The following ZMIZ1 variants were observed in gnomAD, a reference collection of about 807,000 sequenced individuals.
ZMIZ1 encodes zinc finger MIZ domain-containing protein 1.
In ZMIZ1, 17 loss-of-function variants were observed where a neutral mutation model predicts 113.9. The ratio of observed to expected loss-of-function variants is 0.15; its 90% confidence interval spans 0.10 to 0.22. The LOEUF (loss-of-function observed/expected upper bound fraction) is 0.22, where lower values mean the gene tolerates loss of function less well. ZMIZ1 is among the 10% of genes least tolerant of loss of function. The pLI, the probability that ZMIZ1 is intolerant of heterozygous loss-of-function variation, is 1.00. For missense variants in ZMIZ1, 1,059 were observed against 1,477.8 expected, an observed-to-expected ratio of 0.72 and a Z score of 4.65; for synonymous variants, 607 against 603.1, an observed-to-expected ratio of 1.01 and a Z score of -0.09.
Position 79,298,394 on chromosome 10 carries a change from C to A in ZMIZ1, c.1492-12C>A. ...ATCCCATAACTCGTGCGTGTCTTTT[C>A]TTTCCCTCCAGCCTCCCAGGCCGGT... On this transcript the variant is annotated splice_polypyrimidine_tract_variant and intron_variant, in intron 14 of 24. Coordinates refer to ENST00000334512, the MANE Select transcript of ZMIZ1 (RefSeq NM_020338.4). 1 of 1,605,946 alleles carries A rather than the reference C, an allele frequency of 6.2e-7. No individual in the cohort carries two copies. The highest frequency in any genetic ancestry group is 1.1e-5 in the South Asian group (1 of 90,526).
chr10:79,139,923 G>A (rs910579989), intron 3 of ZMIZ1, 146 bp downstream of exon 3: 2 of 397,548 alleles, frequency 5.0e-6, no homozygotes, highest in Admixed American at 8.8e-5. Flanking sequence ...GGGCCTGGCT[G>A]CAGGGCCTCT....
intron 2 of ZMIZ1, among the ~76,000 whole-genome samples, chr10:79,130,036 C>T (rs1394996279): frequency 6.6e-6 from 1 of 152,080 alleles, no homozygotes; most frequent in Non-Finnish European, 1.5e-5. Flanking sequence ...CAGAGGGCTG[C>T]GGGGAGATGC....
chr10:79,314,498 G>C lies in ZMIZ1; in HGVS notation c.*1749G>C. ...CCTTTTCTTCCTTTGTCCCGTTGTC[G>C]AGGTTTTTTCAAATAGCGTGTTGTT... On this transcript the variant is annotated 3_prime_UTR_variant, in exon 25 of 25. Coordinates refer to ENST00000334512, the MANE Select transcript of ZMIZ1 (RefSeq NM_020338.4). The C allele has an allele frequency of 2.4e-5, 8 of 331,864 alleles. No homozygotes were observed. Among genetic ancestry groups the C allele is most frequent in the South Asian group, 1.9e-4 (8 of 41,828 alleles). The allele number at this position is 331,864 out of a possible 1,614,324, so 20.6% of individuals were successfully genotyped here. A position where few individuals can be genotyped will look rare whatever the true frequency, so the allele number is the denominator to read the frequency against.
chr10:79,075,541 GCACACCTGCA>G (rs968366883), intron 1 of ZMIZ1, among the ~76,000 whole-genome samples: 1 of 152,060 alleles, frequency 6.6e-6, no homozygotes, highest in Non-Finnish European at 1.5e-5. Context: ...CTGTGTGTGT[GCACACCTGCA>G]CACAGCTGCA....
At chr10:79,250,805 G>T (rs1286335623) in intron 7 of ZMIZ1, among the ~76,000 whole-genome samples, 1 of 152,178 alleles carries the variant, frequency 6.6e-6, no homozygotes, top group Non-Finnish European at 1.5e-5. Flanking sequence ...AGGGTGCCTG[G>T]AGAACCCCTC....
At chr10:79,203,685 CCCTGGGT>C (rs1156601137) in intron 5 of ZMIZ1, among the ~76,000 whole-genome samples, 1 of 152,258 alleles carries the variant, frequency 6.6e-6, no homozygotes, top group Non-Finnish European at 1.5e-5. Context: ...CTTTGGCCCT[CCCTGGGT>C]CCATCTTGGG....
intron 4 of ZMIZ1, among the ~76,000 whole-genome samples, chr10:79,194,342 G>T (rs1847743732): frequency 6.6e-6 from 1 of 152,252 alleles, no homozygotes; most frequent in African/African-American, 2.4e-5. Context: ...CTGTGCAGAC[G>T]CCTCTCTCTG....
chr10:79,176,639 G>A (rs6480924), intron 4 of ZMIZ1, among the ~76,000 whole-genome samples: 9,355 of 150,178 alleles, frequency 0.062, 995 homozygotes, highest in African/African-American at 0.21. Context: ...CTGGGGATAG[G>A]AGGGGCTGGC....
At chr10:79,070,853 C>G (rs1368055679) in intron 1 of ZMIZ1, among the ~76,000 whole-genome samples, 3 of 151,966 alleles carry the variant, frequency 2.0e-5, no homozygotes, top group African/African-American at 7.2e-5. Context: ...TCCCTCCCTC[C>G]CTCCCGCTGC....
intron 1 of ZMIZ1, among the ~76,000 whole-genome samples, chr10:79,099,807 G>A (rs1414109393): frequency 6.6e-6 from 1 of 152,146 alleles, no homozygotes; most frequent in Non-Finnish European, 1.5e-5. Flanking sequence ...AGCATTGAGA[G>A]GAGCTACAGG....
intron 15 of ZMIZ1, 129 bp from the exon 16 acceptor site, chr10:79,298,919 GTC>G: frequency 3.2e-6 from 4 of 1,242,024 alleles, no homozygotes; most frequent in Non-Finnish European, 4.3e-6. Flanking sequence ...GACTGGCTAT[GTC>G]TCTGGCCCTG....
chr10:79,304,257 G>A, intron 19 of ZMIZ1, 82 bp downstream of exon 19: 2 of 1,538,252 alleles, frequency 1.3e-6, no homozygotes, highest in East Asian at 2.3e-5. Context: ...AGGGGCAACA[G>A]AGCCTGTCCT....
chr10:79,100,998 G>A (rs939000957), intron 1 of ZMIZ1, among the ~76,000 whole-genome samples: 2 of 152,136 alleles, frequency 1.3e-5, no homozygotes, highest in Admixed American at 6.5e-5. Context: ...CACAAAGGTC[G>A]GGTCCCTAGA....
chr10:79,279,668 G>C (rs972607873), intron 8 of ZMIZ1, among the ~76,000 whole-genome samples: 1 of 152,228 alleles, frequency 6.6e-6, no homozygotes, highest in Non-Finnish European at 1.5e-5. Context: ...CTCCAGCCTG[G>C]GCAACATTGA....
chr10:79,297,585 C>A, intron 13 of ZMIZ1, 28 bp from the exon 14 acceptor site: 1 of 1,604,744 alleles, frequency 6.2e-7, no homozygotes, highest in South Asian at 1.1e-5. Context: ...CTGCCCCCCA[C>A]TCAGTGTTGT....
At chr10:79,130,235 A>T (rs1844697197) in intron 2 of ZMIZ1, among the ~76,000 whole-genome samples, 1 of 152,018 alleles carries the variant, frequency 6.6e-6, no homozygotes, top group Non-Finnish European at 1.5e-5. Flanking sequence ...ATAAAGTCAG[A>T]ATTTTGAGGC....
At chr10:79,305,035 C>T in intron 19 of ZMIZ1, 129 bp from the exon 20 acceptor site, 1 of 1,021,242 alleles carries the variant, frequency 9.8e-7, no homozygotes, top group Non-Finnish European at 1.5e-6. Context: ...TCCACCCAGC[C>T]CCAGCCCGGG....
Position 79,273,921 on chromosome 10 carries a change from G to A in ZMIZ1, c.281-3260G>A, listed in dbSNP as rs140513259. Among the ~76,000 whole-genome samples the A allele has an allele frequency of 3.1e-3, 466 of 152,376 alleles. 3 individuals carry two copies. Among genetic ancestry groups the A allele is most frequent in the African/African-American group, 0.01 (425 of 41,594 alleles). On this transcript the variant is annotated intron_variant, in intron 7 of 24. Transcript: ENST00000334512. ...GGAGGCCAATCGTCACCCGTCTGTGGGAGAGAGGCAGTCACATGTACTGGC... is the reference window on the plus strand; with the variant it reads ...GGAGGCCAATCGTCACCCGTCTGTGAGAGAGAGGCAGTCACATGTACTGGC...
intron 4 of ZMIZ1, among the ~76,000 whole-genome samples, chr10:79,184,909 C>T (rs1201977205): frequency 1.3e-5 from 2 of 152,204 alleles, no homozygotes; most frequent in East Asian, 3.9e-4. Context: ...AGGCTTGCTT[C>T]CAAGCAGTTC....
Sources: gnomAD v4.1 joint callset for allele counts (sites outside exome capture counted in the v4.1 genomes callset) on GRCh38, gnomAD v4.1.1 for gene constraint, MANE v1.5 for transcripts, NCBI Gene and HGNC (gene_info 2026-07-23, HGNC 2026-07-21) for gene names.